The following TP73 variants were observed in gnomAD, a reference collection of about 807,000 sequenced individuals.
TP73 encodes the protein tumor protein p73, also known as p53-like transcription factor.
A neutral mutation model predicts 62.5 loss-of-function variants in TP73; 25 were observed. The observed-to-expected ratio is 0.40, with a 90% confidence interval of 0.29 to 0.56. TP73 has a LOEUF of 0.56. Ranked by LOEUF, TP73 falls within the 20% of genes least tolerant of loss-of-function variation. TP73 has a pLI of 0.46. For missense variants in TP73, 754 were observed against 913.3 expected (o/e 0.83, Z 2.25); for synonymous variants, 423 against 377.5 (o/e 1.12, Z -1.40).
chr1:3,730,168 C>T lies in TP73; in HGVS notation c.1345+20C>T, dbSNP rs367808236. The T allele has an allele frequency of 1.2e-4, 187 of 1,510,880 alleles. No homozygotes were observed. The African/African-American group carries it at 1.6e-3, about 13-fold the overall frequency. The allele number at this position is 1,510,880 out of a possible 1,614,324, so 93.6% of individuals were successfully genotyped here. On this transcript the variant is annotated intron_variant, in intron 11 of 13. Transcript: ENST00000378295. ...CCGTGGGTGAGTCCCTTGGGCAGTGCGGGCCCACGGGCAGGGCGGGGAGGC... is the reference window on the plus strand; with the variant it reads ...CCGTGGGTGAGTCCCTTGGGCAGTGTGGGCCCACGGGCAGGGCGGGGAGGC...
intron 3 of TP73, among the ~76,000 whole-genome samples, chr1:3,687,552 G>T (rs912529444): frequency 6.7e-6 from 1 of 149,330 alleles, no homozygotes; most frequent in Non-Finnish European, 1.5e-5. Context: ...CGTCCCCTCG[G>T]ACAAAACCAG....
chr1:3,659,724 A>C (rs758312985), intron 1 of TP73, among the ~76,000 whole-genome samples: 1 of 152,152 alleles, frequency 6.6e-6, no homozygotes, highest in Non-Finnish European at 1.5e-5. Context: ...TCCGTCGCTC[A>C]AGGCTAGAGT....
chr1:3,732,290 T>C (rs1248040820), intron 13 of TP73, among the ~76,000 whole-genome samples: 1 of 152,174 alleles, frequency 6.6e-6, no homozygotes, highest in African/African-American at 2.4e-5. Flanking sequence ...AGTGGCCGCG[T>C]CTGTGTCCAC....
chr1:3,703,900 C>T (rs910084391), intron 3 of TP73, among the ~76,000 whole-genome samples: 1 of 152,206 alleles, frequency 6.6e-6, no homozygotes, highest in Non-Finnish European at 1.5e-5. Flanking sequence ...CATCCCCGGG[C>T]CCAAAACAGG....
intron 1 of TP73, among the ~76,000 whole-genome samples, chr1:3,655,568 G>T (rs977167891): frequency 6.6e-6 from 1 of 152,214 alleles, no homozygotes; most frequent in African/African-American, 2.4e-5. Flanking sequence ...GTTACTAAAT[G>T]ACAATAACGC....
chr1:3,726,858 GTGGA>G lies in TP73; in HGVS notation c.733-234_733-231del, dbSNP rs144546084. ...ATGGGTGGGTGGATGGATGGGGTTGGTGGATGGATGGATGGATGGATGGATGAAT... is the reference window on the plus strand; with the variant it reads ...ATGGGTGGGTGGATGGATGGGGTTGGTGGATGGATGGATGGATGGATGAAT... On this transcript the variant is annotated intron_variant, in intron 6 of 13. Transcript: ENST00000378295. Among the ~76,000 whole-genome samples, 63 of 144,536 alleles carry G rather than the reference GTGGA, an allele frequency of 4.4e-4. 1 individual carries two copies. Among genetic ancestry groups the G allele is most frequent in the East Asian group, 1.5e-3 (7 of 4,742 alleles). The allele number at this position is 144,536 out of a possible 152,430, so 94.8% of individuals were successfully genotyped here.
rs1228525023 is a variant in TP73 at position 3,656,133 on chromosome 1, G to GC, written c.-34+3493dup. Among the ~76,000 whole-genome samples, 3 of 148,918 alleles carry GC rather than the reference G, an allele frequency of 2.0e-5. No individual in the cohort carries two copies. The Admixed American group carries it at 2.0e-4, about 10-fold the overall frequency. ...GGAGCTTGCAGTGAGCTGAGATCAC[G>GC]CACTACACTCCAGCCTGGGCGACAG... On this transcript the variant is annotated intron_variant, in intron 1 of 13. Transcript: ENST00000378295.
At chr1:3,697,983 C>G (rs1037543813) in intron 3 of TP73, 29 of 653,380 alleles carry the variant, frequency 4.4e-5, no homozygotes, top group Non-Finnish European at 5.5e-5. Flanking sequence ...CTCCCTGTAC[C>G]CTGCACTGCA....
rs1557483601 is a variant in TP73, at chr1:3,662,584, C to A, written c.-34+9943C>A. ...TTACGAATGGAAATGTCTTTCATTT[C>A]TCTCCCAGACAGGCAGCTGGGCAGA... On this transcript the variant is annotated intron_variant, in intron 1 of 13. Coordinates refer to ENST00000378295, the MANE Select transcript of TP73 (RefSeq NM_005427.4). The surrounding 1 kb of genome is among the most constrained non-coding windows in gnomAD (Gnocchi z 4.4). Among the ~76,000 whole-genome samples the A allele has an allele frequency of 6.6e-6, 1 of 152,228 alleles. No homozygotes were observed. Among genetic ancestry groups the A allele is most frequent in the Non-Finnish European group, 1.5e-5 (1 of 68,038 alleles).
Position 3,735,521 on chromosome 1 carries a change from C to A in TP73, c.*2442C>A, listed in dbSNP as rs1488369337. On this transcript the variant is annotated 3_prime_UTR_variant, in exon 14 of 14. Transcript: ENST00000378295. ...GCACCTGTCTAGGGAGCCCATGCAG[C>A]CTCCTTGCACTGGAGAAGCAGCTGT... is the stretch of plus-strand genomic sequence containing the variant. 1 of 152,210 alleles carries A rather than the reference C, an allele frequency of 6.6e-6. No homozygotes were observed. Among genetic ancestry groups the A allele is most frequent in the Non-Finnish European group, 1.5e-5 (1 of 68,040 alleles). 9.4% of individuals were successfully genotyped at this position (152,210 alleles called of 1,614,324 possible).
chr1:3,731,047 C>G lies in TP73; in HGVS notation c.1466C>G (p.Ala489Gly), dbSNP rs553745031. 1 of 1,611,862 alleles carries G rather than the reference C, an allele frequency of 6.2e-7. No individual in the cohort carries two copies. The highest frequency in any genetic ancestry group is 2.2e-5 in the East Asian group (1 of 44,856). Residue 489 changes from alanine (A) to glycine (G), a missense_variant, in exon 12 of 14, where the codon GCC becomes GGC. Physicochemically the swap from Ala to Gly is moderately conservative, Grantham distance 60 (BLOSUM62 0). Around this residue, in one of 3 missense-constraint regions of TP73, gnomAD observed 458 missense variants for 528.7 expected, o/e 0.87. Transcript: ENST00000378295. ...TGCACTCCGCCACCCCCCTACCACG[C>G]CGACCCCAGCCTCGTCAGGTGCGTG... ...SHCTPPPPYH[A>G]DPSLVSFLTG... is the part of the protein sequence containing the mutation.
intron 9 of TP73, among the ~76,000 whole-genome samples, chr1:3,728,903 G>A (rs1003320940): frequency 2.0e-5 from 3 of 152,090 alleles, no homozygotes; most frequent in African/African-American, 7.2e-5. Context: ...CAGGAGGATC[G>A]CCTGAGCCCA....
chr1:3,657,250 G>A (rs1244129658), intron 1 of TP73, among the ~76,000 whole-genome samples: 2 of 152,166 alleles, frequency 1.3e-5, no homozygotes, highest in South Asian at 2.1e-4. Context: ...CTGAGAGGGG[G>A]CTCGCCTCCT....
chr1:3,673,472 TAG>T (rs774260948), intron 1 of TP73, among the ~76,000 whole-genome samples: 1 of 152,224 alleles, frequency 6.6e-6, no homozygotes, highest in Non-Finnish European at 1.5e-5. Context: ...TTGATATGCG[TAG>T]AGTTACTTCA....
intron 1 of TP73, among the ~76,000 whole-genome samples, chr1:3,660,285 G>A (rs1349386221): frequency 6.6e-6 from 1 of 152,190 alleles, no homozygotes; most frequent in Non-Finnish European, 1.5e-5. Context: ...CAACCCGTGA[G>A]GCTGCAGAAG....
At chr1:3,655,419 G>A (rs540353057) in intron 1 of TP73, among the ~76,000 whole-genome samples, 2 of 152,284 alleles carry the variant, frequency 1.3e-5, no homozygotes, top group Non-Finnish European at 2.9e-5. Context: ...TTTGGTGTGT[G>A]TTTCATGTAA....
intron 4 of TP73, chr1:3,712,464 G>A (rs760668533): frequency 1.3e-5 from 2 of 152,134 alleles, no homozygotes; most frequent in Non-Finnish European, 2.9e-5. Flanking sequence ...CTTAGCCTTG[G>A]AGGCCCCAAG....
intron 9 of TP73, 130 bp from the exon 10 acceptor site, chr1:3,729,197 C>T: frequency 7.7e-7 from 1 of 1,290,514 alleles, no homozygotes; most frequent in Non-Finnish European, 1.1e-6. Flanking sequence ...GATCCTGAGC[C>T]TCTGGGGTGC....
chr1:3,709,850 A>T (rs1343267159), intron 4 of TP73, among the ~76,000 whole-genome samples: 1 of 152,128 alleles, frequency 6.6e-6, no homozygotes, highest in Non-Finnish European at 1.5e-5. Flanking sequence ...GAGGATGCTG[A>T]TGGGGTCTTC....
Sources: allele counts gnomAD v4.1 joint callset (sites outside exome capture counted in the v4.1 genomes callset), GRCh38; gene constraint gnomAD v4.1.1; regional missense constraint gnomAD v4.1.1; non-coding constraint Gnocchi (gnomAD v3.1); transcripts MANE v1.5; gene names NCBI Gene and HGNC (gene_info 2026-07-23, HGNC 2026-07-21).